Variants in RBFOX1 observed in about 807,000 individuals in gnomAD.
RBFOX1 encodes RNA binding protein fox-1 homolog 1.
RBFOX1 carries 8 observed loss-of-function variants against 57.7 expected under a neutral mutation model. The ratio of observed to expected loss-of-function variants is 0.14; its 90% CI spans 0.08 to 0.25. RBFOX1 has a LOEUF of 0.25. Ranked by LOEUF, RBFOX1 falls within the 10% of genes least tolerant of loss-of-function variation. The probability of loss-of-function intolerance (pLI) is 1.00; values close to 1 mark genes in which losing one functional copy is unlikely to be tolerated. For missense variants in RBFOX1, 611 were observed against 548.5 expected, an observed-to-expected ratio of 1.11 and a Z score of -1.14; for synonymous variants, 326 against 222.4, an observed-to-expected ratio of 1.47 and a Z score of -4.15.
intron 1 of RBFOX1, among the ~76,000 whole-genome samples, chr16:6,129,760 C>T (rs997003032): frequency 5.1e-5 from 7 of 136,466 alleles, no homozygotes; most frequent in Non-Finnish European, 1.1e-4. Context: ...AAAAAAAAAC[C>T]ATAGATAATA....
At chr16:6,062,707 A>T (rs765577731) in intron 1 of RBFOX1, among the ~76,000 whole-genome samples, 1 of 151,524 alleles carries the variant, frequency 6.6e-6, no homozygotes, top group African/African-American at 2.4e-5. Context: ...CTATGCATAT[A>T]TAGTTACATT....
chr16:6,840,589 C>G (rs928910273), intron 3 of RBFOX1, among the ~76,000 whole-genome samples: 1 of 151,928 alleles, frequency 6.6e-6, no homozygotes, highest in Non-Finnish European at 1.5e-5. Flanking sequence ...GGATTAGTGC[C>G]TTCATAAAAA....
intron 3 of RBFOX1, among the ~76,000 whole-genome samples, chr16:6,902,829 C>T (rs1055667181): frequency 6.6e-6 from 1 of 152,178 alleles, no homozygotes; most frequent in Non-Finnish European, 1.5e-5. Flanking sequence ...TGATTGTACA[C>T]TGTTTTCCAT....
At chr16:5,905,876 T>C (rs1019413410) in intron 4 of RBFOX1, among the ~76,000 whole-genome samples, 10 of 152,192 alleles carry the variant, frequency 6.6e-5, no homozygotes, top group Admixed American at 5.9e-4. Flanking sequence ...GCCTTCCTAA[T>C]TTCCCTCTTT....
At chr16:6,120,893 G>T (rs1413685312) in intron 1 of RBFOX1, among the ~76,000 whole-genome samples, 1 of 152,194 alleles carries the variant, frequency 6.6e-6, no homozygotes, top group African/African-American at 2.4e-5. Context: ...TATGGTGGGG[G>T]CTGGTGAAGA....
At chr16:5,751,683 G>A (rs1164760549) in intron 3 of RBFOX1, among the ~76,000 whole-genome samples, 2 of 152,164 alleles carry the variant, frequency 1.3e-5, no homozygotes, top group East Asian at 3.8e-4. Flanking sequence ...TGGTCCAGGA[G>A]AATGGAAAAA....
intron 3 of RBFOX1, among the ~76,000 whole-genome samples, chr16:6,805,363 G>A (rs983966400): frequency 1.1e-4 from 16 of 152,154 alleles, no homozygotes; most frequent in Non-Finnish European, 5.9e-5. Context: ...ACACAGAGGG[G>A]AACAGCAGAC....
chr16:6,408,802 G>A (rs532222192), intron 2 of RBFOX1, among the ~76,000 whole-genome samples: 1 of 152,132 alleles, frequency 6.6e-6, no homozygotes, highest in South Asian at 2.1e-4. Context: ...ATTTGTGTTT[G>A]CATTTTAATT....
At chr16:6,073,463 A>G (rs1160127601) in intron 1 of RBFOX1, among the ~76,000 whole-genome samples, 1 of 152,218 alleles carries the variant, frequency 6.6e-6, no homozygotes, top group Non-Finnish European at 1.5e-5. Context: ...GAAGTTCATT[A>G]CTGCTATTAT....
At chr16:6,319,824 A>C (rs1567928904) in intron 2 of RBFOX1, among the ~76,000 whole-genome samples, 1 of 152,194 alleles carries the variant, frequency 6.6e-6, no homozygotes, top group Non-Finnish European at 1.5e-5. Context: ...TGAAAATTTA[A>C]CTTCCAAGAG....
Position 6,978,154 on chromosome 16 carries a change from C to G in RBFOX1, c.-15-73903C>G, listed in dbSNP as rs1048438823. Among the ~76,000 whole-genome samples, 87 of 152,068 alleles carry G rather than the reference C, an allele frequency of 5.7e-4. 3 individuals are homozygous for G. Among genetic ancestry groups the G allele is most frequent in the Non-Finnish European group, 1.9e-4 (13 of 68,024 alleles). On this transcript the variant is annotated intron_variant, in intron 3 of 15. Coordinates refer to ENST00000550418, the MANE Select transcript of RBFOX1 (RefSeq NM_018723.4). ...CAGCCGGGCATGATGCCCTGGGCCC[C>G]ATGGCATACGGCAGTGGAGGTAATT...
Position 5,801,320 on chromosome 16 carries a change from CCTCT to C in RBFOX1, c.319-65977_319-65974del, listed in dbSNP as rs974023492. Among the ~76,000 whole-genome samples the C allele has an allele frequency of 7.2e-4, 107 of 147,738 alleles. No individual in the cohort carries two copies. In the East Asian group the frequency reaches 0.012, roughly 17 times the overall value. ...ATGCAGATTTTAAAGTCTCTATCTG[CCTCT>C]CTCTCCCTCCCTCTCTCTTTTTTTT... On this transcript the variant is annotated intron_variant, in intron 3 of 19. Coordinates refer to the RBFOX1 transcript ENST00000641259.
chr16:6,815,932 G>T (rs369437413), intron 3 of RBFOX1, among the ~76,000 whole-genome samples: 2 of 152,174 alleles, frequency 1.3e-5, no homozygotes, highest in Non-Finnish European at 2.9e-5. Context: ...GTCTTGAGAA[G>T]TAAGAAACTT....
At chr16:7,357,606 C>A (rs1265076670) in intron 4 of RBFOX1, among the ~76,000 whole-genome samples, 6 of 152,186 alleles carry the variant, frequency 3.9e-5, no homozygotes, top group Non-Finnish European at 8.8e-5. Flanking sequence ...TTTCACCCAT[C>A]TTCCTGGACT....
intron 3 of RBFOX1, among the ~76,000 whole-genome samples, chr16:6,773,461 G>C (rs1227411712): frequency 6.8e-6 from 1 of 147,520 alleles, no homozygotes; most frequent in African/African-American, 2.5e-5. Context: ...GGGTGCAATT[G>C]TGTGTGTATG....
chr16:6,519,647 G>C (rs976708264), intron 2 of RBFOX1, among the ~76,000 whole-genome samples: 9 of 152,160 alleles, frequency 5.9e-5, no homozygotes, highest in African/African-American at 1.9e-4. Flanking sequence ...GTTGCAGTGA[G>C]CTGAGATCAC....
At position 7,579,764 on chromosome 16, in the gene RBFOX1, CT is replaced by C; in HGVS notation, c.271-11del. The C allele has an allele frequency of 3.7e-6, 6 of 1,614,004 alleles. No individual in the cohort carries two copies. The highest frequency in any genetic ancestry group is 5.1e-6 in the Non-Finnish European group (6 of 1,179,930). On this transcript the variant is annotated splice_polypyrimidine_tract_variant and intron_variant, in intron 5 of 15. Coordinates refer to ENST00000550418, the MANE Select transcript of RBFOX1 (RefSeq NM_018723.4). ...CCACTGAGAACCTCTTCGGTTTCTTCTTGTTCTTTTAGCAGACAGATGACGC... is the reference window on the plus strand; with the variant it reads ...CCACTGAGAACCTCTTCGGTTTCTTCTGTTCTTTTAGCAGACAGATGACGC...
chr16:7,460,777 T>C (rs915104050), intron 4 of RBFOX1, among the ~76,000 whole-genome samples: 3 of 152,140 alleles, frequency 2.0e-5, no homozygotes, highest in East Asian at 1.9e-4. Context: ...TAAAAGCTAT[T>C]GTGTTGAAGA....
intron 1 of RBFOX1, among the ~76,000 whole-genome samples, chr16:6,275,365 C>T (rs543201895): frequency 5.7e-4 from 87 of 151,992 alleles, no homozygotes; most frequent in Non-Finnish European, 1.2e-3. Context: ...AATCAGCAAA[C>T]ATTTATTGAA....
Sources: allele counts gnomAD v4.1 joint callset (sites outside exome capture counted in the v4.1 genomes callset), GRCh38; gene constraint gnomAD v4.1.1; transcripts MANE v1.5; gene names NCBI Gene and HGNC (gene_info 2026-07-23, HGNC 2026-07-21).